ROBO2: variants seen among roughly 807,000 people sequenced by gnomAD.
ROBO2 encodes the protein roundabout guidance receptor 2.
Under a neutral mutation model 160.8 loss-of-function variants are expected in ROBO2, and 53 were observed. The ratio of observed to expected loss-of-function variants is 0.33; its 90% CI spans 0.26 to 0.41. The LOEUF (loss-of-function observed/expected upper bound fraction) is 0.41. Among genes scored for constraint, ROBO2 ranks in the 10% least tolerant of loss-of-function variants. The pLI, the probability that ROBO2 is intolerant of heterozygous loss-of-function variation, is 1.00. For missense variants in ROBO2, 1,577 were observed against 1,722.4 expected (o/e 0.92, Z 1.49); for synonymous variants, 664 against 611.7 (o/e 1.09, Z -1.26).
chr3:76,872,873 C>T (rs188582902), intron 2 of ROBO2, among the ~76,000 whole-genome samples: 6 of 151,450 alleles, frequency 4.0e-5, no homozygotes, highest in Admixed American at 6.6e-5. Context: ...ATCAATGTGG[C>T]TAGGGAGGAA....
intron 2 of ROBO2, among the ~76,000 whole-genome samples, chr3:76,240,328 G>A (rs1399137906): frequency 6.6e-6 from 1 of 151,168 alleles, no homozygotes; most frequent in East Asian, 2.0e-4. Flanking sequence ...CCCTCCCTGT[G>A]TCCATGTGTT....
chr3:76,396,855 T>C (rs1257461016), intron 2 of ROBO2, among the ~76,000 whole-genome samples: 1 of 152,164 alleles, frequency 6.6e-6, no homozygotes, highest in Non-Finnish European at 1.5e-5. Flanking sequence ...CATTCCATGC[T>C]CATGGGTAGG....
intron 2 of ROBO2, among the ~76,000 whole-genome samples, chr3:76,276,077 AG>A (rs1267309499): frequency 6.6e-6 from 1 of 152,052 alleles, no homozygotes; most frequent in Non-Finnish European, 1.5e-5. Context: ...GTTTTTATTA[AG>A]AAATAAAGAA....
At chr3:76,197,462 G>T (rs1292094806) in intron 2 of ROBO2, among the ~76,000 whole-genome samples, 1 of 151,862 alleles carries the variant, frequency 6.6e-6, no homozygotes, top group Non-Finnish European at 1.5e-5. Flanking sequence ...AATCCACTGA[G>T]TTAACCAATC....
rs550061889 is a variant in ROBO2, at chr3:77,240,456, C to G, written c.388+142116C>G. Among the ~76,000 whole-genome samples the G allele has an allele frequency of 1.5e-4, 23 of 152,270 alleles. No individual in the cohort carries two copies. In the South Asian group the frequency reaches 1.9e-3, roughly 12 times the overall value. On this transcript the variant is annotated intron_variant, in intron 2 of 25. Coordinates refer to ENST00000461745, the Ensembl canonical transcript of ROBO2. ...GCCGCACACAGCCCGGGTTCCTGCC[C>G]GCGCCTCTCCCTCCACACCTCCCTG...
intron 2 of ROBO2, among the ~76,000 whole-genome samples, chr3:76,540,499 G>C (rs1255307295): frequency 6.6e-6 from 1 of 152,048 alleles, no homozygotes; most frequent in Non-Finnish European, 1.5e-5. Context: ...AGAAATACTA[G>C]GACATACAAA....
intron 2 of ROBO2, among the ~76,000 whole-genome samples, chr3:77,147,797 T>C (rs923200024): frequency 6.6e-6 from 1 of 152,200 alleles, no homozygotes; most frequent in African/African-American, 2.4e-5. Context: ...CTTTGGGTTT[T>C]CAATACGTAC....
chr3:76,448,698 C>A (rs2077323711), intron 2 of ROBO2, among the ~76,000 whole-genome samples: 1 of 152,154 alleles, frequency 6.6e-6, no homozygotes, highest in Admixed American at 6.6e-5. Context: ...ACTAAAACTT[C>A]CTCTTAGCTA....
intron 2 of ROBO2, chr3:75,937,733 A>G: frequency 2.1e-6 from 1 of 474,570 alleles, no homozygotes; most frequent in Non-Finnish European, 3.8e-6. Context: ...GTTACACGGT[A>G]TTGTAATGCC....
chr3:76,483,574 T>C (rs1193633213), intron 2 of ROBO2, among the ~76,000 whole-genome samples: 1 of 152,174 alleles, frequency 6.6e-6, no homozygotes, highest in Non-Finnish European at 1.5e-5. Context: ...AATGTTAAAG[T>C]CTACATCACA....
intron 2 of ROBO2, among the ~76,000 whole-genome samples, chr3:76,854,061 TCTCTCTTTCTC>T (rs2069754281): frequency 1.3e-4 from 11 of 86,332 alleles, no homozygotes; most frequent in South Asian, 4.0e-4. Context: ...TCTCTCTCTC[TCTCTCTTTCTC>T]TGTCTGCCTC....
intron 2 of ROBO2, among the ~76,000 whole-genome samples, chr3:76,891,159 T>A (rs759686459): frequency 6.6e-6 from 1 of 152,154 alleles, no homozygotes; most frequent in Non-Finnish European, 1.5e-5. Context: ...TTTCTCATGA[T>A]TGATTTTTAA....
chr3:76,137,833 A>T (rs538942318), intron 2 of ROBO2, among the ~76,000 whole-genome samples: 32 of 152,010 alleles, frequency 2.1e-4, no homozygotes, highest in African/African-American at 7.2e-4. Context: ...TCTGTTTTAT[A>T]TATATATATT....
intron 2 of ROBO2, among the ~76,000 whole-genome samples, chr3:76,949,482 T>A (rs966031055): frequency 9.2e-5 from 14 of 152,170 alleles, no homozygotes; most frequent in African/African-American, 2.2e-4. Flanking sequence ...TAGCCTTTTT[T>A]AAAAATATGC....
chr3:76,548,636 AT>A (rs5850259), intron 2 of ROBO2, among the ~76,000 whole-genome samples: 4,113 of 146,634 alleles, frequency 0.028, 176 homozygotes, highest in African/African-American at 0.094. Flanking sequence ...CAGAGGGAGG[AT>A]TTTTTTTTTT....
At chr3:76,745,023 T>C (rs1172094653) in intron 2 of ROBO2, among the ~76,000 whole-genome samples, 2 of 152,212 alleles carry the variant, frequency 1.3e-5, no homozygotes, top group Non-Finnish European at 2.9e-5. Context: ...GAATGTTCTG[T>C]AAAATTGTCC....
intron 1 of ROBO2, among the ~76,000 whole-genome samples, chr3:77,090,510 G>T (rs537785310): frequency 2.0e-5 from 3 of 151,430 alleles, no homozygotes; most frequent in East Asian, 3.9e-4. Context: ...CCACCACCAC[G>T]CCCGGCTAAC....
At chr3:76,941,193 AT>A (rs1485146265) in intron 2 of ROBO2, among the ~76,000 whole-genome samples, 1 of 151,926 alleles carries the variant, frequency 6.6e-6, no homozygotes, top group African/African-American at 2.4e-5. Context: ...TCATCTCCTT[AT>A]TTCAAGACAA....
At chr3:77,079,775 T>C (rs925376272) in intron 1 of ROBO2, among the ~76,000 whole-genome samples, 2 of 152,222 alleles carry the variant, frequency 1.3e-5, no homozygotes, top group African/African-American at 2.4e-5. Flanking sequence ...ACAGTGGAAC[T>C]TCTGTGAAAG....
Sources: gnomAD v4.1 joint callset for allele counts (sites outside exome capture counted in the v4.1 genomes callset) on GRCh38, gnomAD v4.1.1 for gene constraint, MANE v1.5 for transcripts, NCBI Gene and HGNC (gene_info 2026-07-23, HGNC 2026-07-21) for gene names.